Variants in SLC4A5 observed in about 807,000 individuals in gnomAD.
SLC4A5 encodes the protein solute carrier family 4 member 5, also known as electrogenic sodium bicarbonate cotransporter 4.
Under a neutral mutation model 120.4 loss-of-function variants are expected in SLC4A5, and 96 were observed. The observed-to-expected ratio is 0.80, with a 90% CI of 0.68 to 0.94. The LOEUF (loss-of-function observed/expected upper bound fraction) is 0.94. Ranked by LOEUF, SLC4A5 falls within the 40% of genes least tolerant of loss-of-function variation. SLC4A5 has a pLI of 0.00. For synonymous variants in SLC4A5, 550 were observed against 571.1 expected, an observed-to-expected ratio of 0.96 and a Z score of 0.53; for missense variants, 1,259 against 1,459.5, an observed-to-expected ratio of 0.86 and a Z score of 2.24.
exon 31 of SLC4A5, chr2:74,218,323 C>T (rs1694508428): frequency 6.6e-6 from 1 of 151,926 alleles, no homozygotes; most frequent in Non-Finnish European, 1.5e-5. Flanking sequence ...TGACTATTGC[C>T]CCTTTATCTT....
At chr2:74,228,677 CAAAA>C (rs148144810) in intron 25 of SLC4A5, among the ~76,000 whole-genome samples, 2 of 102,416 alleles carry the variant, frequency 2.0e-5, no homozygotes, top group Non-Finnish European at 4.6e-5. Context: ...CCAAAAAAAC[CAAAA>C]AAAAACAGAA....
intron 26 of SLC4A5, 137 bp from the exon 27 acceptor site, chr2:74,227,267 G>C (rs771889473): frequency 2.7e-4 from 280 of 1,054,284 alleles, no homozygotes; most frequent in Non-Finnish European, 3.6e-4. Flanking sequence ...TGCACGGGAG[G>C]GGGGCTGGAG....
intron 24 of SLC4A5, among the ~76,000 whole-genome samples, chr2:74,231,874 A>G (rs1234852412): frequency 6.6e-6 from 1 of 152,150 alleles, no homozygotes; most frequent in African/African-American, 2.4e-5. Context: ...AAGTATCTCA[A>G]GATAGTGGGA....
At chr2:74,330,266 A>G (rs1443984951) in intron 4 of SLC4A5, among the ~76,000 whole-genome samples, 108 of 116,776 alleles carry the variant, frequency 9.2e-4, no homozygotes, top group African/African-American at 1.5e-3. Flanking sequence ...GATGGAGGTG[A>G]TGAGGTCTAG....
intron 3 of SLC4A5, among the ~76,000 whole-genome samples, chr2:74,337,375 G>A (rs960460743): frequency 1.3e-5 from 2 of 152,102 alleles, no homozygotes; most frequent in African/African-American, 2.4e-5. Context: ...ACCCTTTGTA[G>A]GTCACTGAGA....
intron 8 of SLC4A5, among the ~76,000 whole-genome samples, chr2:74,276,432 G>T (rs1671641627): frequency 6.6e-6 from 1 of 152,244 alleles, no homozygotes; most frequent in African/African-American, 2.4e-5. Flanking sequence ...AGACTCAGAA[G>T]TTAGAGCTTC....
rs532356266 is a variant in SLC4A5 at position 74,313,713 on chromosome 2, G to A, written c.79+1232C>T. On this transcript the variant is annotated intron_variant, in intron 6 of 30. Transcript: ENST00000394019. ...GAACTTCCCTTCCCTATACTGCATT[G>A]TTTAAGCAAGCTGCAATTTGAGATA... 7.2e-5 allele frequency among the ~76,000 whole-genome samples: 11 copies of A among 152,276 alleles called. No individual in the cohort carries two copies. The South Asian group carries it at 2.3e-3, about 32-fold the overall frequency.
exon 31 of SLC4A5, chr2:74,218,664 T>C (rs936685016): frequency 2.6e-5 from 4 of 152,650 alleles, no homozygotes; most frequent in Non-Finnish European, 5.9e-5. Context: ...TCTTCGGTAT[T>C]TATCCATGTC....
chr2:74,313,409 A>G (rs1181869102), intron 6 of SLC4A5, among the ~76,000 whole-genome samples: 1 of 152,120 alleles, frequency 6.6e-6, no homozygotes, highest in Non-Finnish European at 1.5e-5. Flanking sequence ...CTTTAGAGAG[A>G]TGTTGAATAT....
At chr2:74,313,455 G>T in intron 6 of SLC4A5, among the ~76,000 whole-genome samples, 1 of 152,172 alleles carries the variant, frequency 6.6e-6, no homozygotes. Context: ...TACTCTGGTT[G>T]GTGCATTCCT....
intron 10 of SLC4A5, among the ~76,000 whole-genome samples, chr2:74,262,926 T>G (rs1057405790): frequency 1.3e-5 from 2 of 152,204 alleles, no homozygotes. Flanking sequence ...CACAGCATTT[T>G]TGTGAGGATG....
intron 8 of SLC4A5, among the ~76,000 whole-genome samples, chr2:74,281,057 G>C (rs1285155918): frequency 1.3e-5 from 2 of 152,224 alleles, no homozygotes; most frequent in Non-Finnish European, 2.9e-5. Flanking sequence ...CCTGTATGGA[G>C]TGAGAGCATC....
chr2:74,243,492 G>T (rs529369139), intron 19 of SLC4A5, among the ~76,000 whole-genome samples: 67 of 152,308 alleles, frequency 4.4e-4, no homozygotes, highest in African/African-American at 1.5e-3. Context: ...TCTGAGGAAG[G>T]CTTCATTTAT....
At chr2:74,282,870 T>C (rs1671857279) in intron 8 of SLC4A5, among the ~76,000 whole-genome samples, 1 of 152,162 alleles carries the variant, frequency 6.6e-6, no homozygotes, top group Non-Finnish European at 1.5e-5. Context: ...CTGCCCAGAT[T>C]TCCTCCTCTC....
chr2:74,240,271 G>A (rs940142439), intron 20 of SLC4A5, among the ~76,000 whole-genome samples: 3 of 151,972 alleles, frequency 2.0e-5, no homozygotes, highest in Non-Finnish European at 4.4e-5. Flanking sequence ...AGACCAGATC[G>A]CATTCTACTT....
intron 30 of SLC4A5, among the ~76,000 whole-genome samples, chr2:74,219,365 C>T (rs1388072517): frequency 1.3e-5 from 2 of 152,124 alleles, no homozygotes; most frequent in Admixed American, 6.6e-5. Flanking sequence ...CTGTGTACTC[C>T]GATATTCTTG....
chr2:74,259,769 T>G (rs1469727945), intron 11 of SLC4A5, 126 bp from the exon 12 acceptor site: 1 of 840,202 alleles, frequency 1.2e-6, no homozygotes, highest in African/African-American at 1.7e-5. Flanking sequence ...CCCTTAATCC[T>G]GCAGTCCCCT....
Position 74,224,838 on chromosome 2 carries a change from A to T in SLC4A5, c.3246+2T>A. The T allele has an allele frequency of 6.2e-7, 1 of 1,604,476 alleles. No individual in the cohort carries two copies. The highest frequency in any genetic ancestry group is 8.5e-7 in the Non-Finnish European group (1 of 1,177,860). On this transcript the variant is annotated splice_donor_variant, in intron 28 of 30. Transcript: ENST00000394019. LOFTEE classifies it high-confidence loss of function. Reference sequence around the variant, plus strand: ...TGTGCCCCGGCCTCACATCTTCCCCACCTCCTCATCACAGTCCTCGTGGGC... The same window carrying T: ...TGTGCCCCGGCCTCACATCTTCCCCTCCTCCTCATCACAGTCCTCGTGGGC...
At chr2:74,316,321 TAAAAAAAAA>T (rs60481743) in intron 5 of SLC4A5, among the ~76,000 whole-genome samples, 1,180 of 51,226 alleles carry the variant, frequency 0.023, 31 homozygotes, top group African/African-American at 0.061. Context: ...AAAAGAGTTG[TAAAAAAAAA>T]AAAAAAAAAA....
Sources: allele counts gnomAD v4.1 joint callset (sites outside exome capture counted in the v4.1 genomes callset), GRCh38; gene constraint gnomAD v4.1.1; transcripts MANE v1.5; gene names NCBI Gene and HGNC (gene_info 2026-07-23, HGNC 2026-07-21).